OPCML: variants seen among roughly 807,000 people sequenced by gnomAD.
OPCML encodes opioid-binding protein/cell adhesion molecule.
OPCML carries 13 observed loss-of-function variants against 37.8 expected under a neutral mutation model. That is an observed-to-expected ratio of 0.34 (90% CI 0.22 to 0.55). The LOEUF (loss-of-function observed/expected upper bound fraction) is 0.55, where lower values mean the gene tolerates loss of function less well. Among genes scored for constraint, OPCML ranks in the 20% least tolerant of loss-of-function variants. The pLI, the probability that OPCML is intolerant of heterozygous loss-of-function variation, is 0.91. For missense variants in OPCML, 341 were observed against 435.6 expected (o/e 0.78, Z 1.93); for synonymous variants, 176 against 168.8 (o/e 1.04, Z -0.33).
chr11:132,694,465 G>T lies in OPCML; in HGVS notation c.147-37146C>A, dbSNP rs899870653. 2.6e-5 allele frequency among the ~76,000 whole-genome samples: 4 copies of T among 151,998 alleles called. 1 individual carries two copies. The South Asian group carries it at 8.3e-4, about 31-fold the overall frequency. ...GCCCATCTCGGCCTCCCAAAGTGCTGGGATTATAGGCGTGAGCCACCGTGC... is the reference window on the plus strand; with the variant it reads ...GCCCATCTCGGCCTCCCAAAGTGCTTGGATTATAGGCGTGAGCCACCGTGC... On this transcript the variant is annotated intron_variant, in intron 2 of 7. Coordinates refer to ENST00000524381, the MANE Select transcript of OPCML (RefSeq NM_001012393.5).
chr11:132,683,533 T>C (rs1943040957), intron 2 of OPCML, among the ~76,000 whole-genome samples: 1 of 152,224 alleles, frequency 6.6e-6, no homozygotes, highest in Non-Finnish European at 1.5e-5. Context: ...TTTTCGTAAC[T>C]TAAATAACTT....
At chr11:133,216,905 T>C (rs1374940684) in intron 1 of OPCML, among the ~76,000 whole-genome samples, 1 of 152,186 alleles carries the variant, frequency 6.6e-6, no homozygotes, top group African/African-American at 2.4e-5. Flanking sequence ...TACAAATATA[T>C]GTAATGTATT....
chr11:133,332,612 G>A (rs1339550567), intron 1 of OPCML, among the ~76,000 whole-genome samples: 2 of 151,970 alleles, frequency 1.3e-5, no homozygotes, highest in African/African-American at 4.8e-5. Flanking sequence ...TTTGAGGTCT[G>A]TTTCTTTAAT....
intron 1 of OPCML, among the ~76,000 whole-genome samples, chr11:133,518,379 G>A (rs1948328986): frequency 6.6e-6 from 1 of 151,032 alleles, no homozygotes; most frequent in Non-Finnish European, 1.5e-5. Flanking sequence ...CAGGCATGGT[G>A]TGTGTAAATA....
intron 1 of OPCML, among the ~76,000 whole-genome samples, chr11:133,213,821 T>A (rs567282459): frequency 6.6e-6 from 1 of 152,310 alleles, no homozygotes; most frequent in East Asian, 1.9e-4. Context: ...ATAAAATAAG[T>A]AAATAGGATA....
intron 1 of OPCML, among the ~76,000 whole-genome samples, chr11:133,358,938 G>C (rs1592231066): frequency 1.3e-5 from 2 of 152,114 alleles, no homozygotes; most frequent in East Asian, 3.9e-4. Flanking sequence ...GGGCTGCAGG[G>C]TATGAGTATG....
intron 4 of OPCML, among the ~76,000 whole-genome samples, chr11:132,521,361 T>C (rs556090712): frequency 5.4e-4 from 82 of 152,360 alleles, no homozygotes; most frequent in African/African-American, 1.9e-3. Context: ...TATTTTGCTG[T>C]GCAGAAGCTC....
intron 2 of OPCML, among the ~76,000 whole-genome samples, chr11:132,886,863 T>C (rs922523671): frequency 2.6e-5 from 4 of 152,186 alleles, no homozygotes; most frequent in Non-Finnish European, 4.4e-5. Flanking sequence ...CCTGACTTCT[T>C]GCATATACAT....
chr11:132,913,588 A>G (rs1224241191), intron 2 of OPCML, among the ~76,000 whole-genome samples: 1 of 152,108 alleles, frequency 6.6e-6, no homozygotes, highest in Non-Finnish European at 1.5e-5. Context: ...ACCCCTCCTC[A>G]TTTCACAAGG....
intron 2 of OPCML, among the ~76,000 whole-genome samples, chr11:132,801,227 G>A (rs1938629565): frequency 6.6e-6 from 1 of 152,160 alleles, no homozygotes; most frequent in African/African-American, 2.4e-5. Context: ...TGTAAGGTAA[G>A]TAGTAATATA....
chr11:132,704,375 G>A (rs1270275027), intron 2 of OPCML, among the ~76,000 whole-genome samples: 1 of 152,066 alleles, frequency 6.6e-6, no homozygotes, highest in African/African-American at 2.4e-5. Flanking sequence ...GGATGATATT[G>A]GATAAAAGAA....
chr11:132,923,069 G>A (rs538036980), intron 2 of OPCML, among the ~76,000 whole-genome samples: 37 of 121,956 alleles, frequency 3.0e-4, no homozygotes, highest in East Asian at 2.0e-3. Flanking sequence ...GTGAGACTCC[G>A]TCTCAGAAAA....
chr11:132,645,993 T>G (rs1941129696), intron 3 of OPCML, among the ~76,000 whole-genome samples: 1 of 152,190 alleles, frequency 6.6e-6, no homozygotes, highest in Non-Finnish European at 1.5e-5. Context: ...GAATGCAGGA[T>G]GCTGGGCAGC....
chr11:133,141,048 C>CGAAGAA (rs1161324241), intron 1 of OPCML, among the ~76,000 whole-genome samples: 229 of 5,790 alleles, frequency 0.04, 104 homozygotes, highest in Non-Finnish European at 0.088. Flanking sequence ...ACGACGACGA[C>CGAAGAA]GAAGAAGAAG....
chr11:132,617,656 G>A (rs1269973340), intron 3 of OPCML, among the ~76,000 whole-genome samples: 1 of 152,190 alleles, frequency 6.6e-6, no homozygotes, highest in African/African-American at 2.4e-5. Flanking sequence ...TGTAGCCCTG[G>A]GGGCTGGGAT....
chr11:133,322,540 A>T (rs1213848904), intron 1 of OPCML, among the ~76,000 whole-genome samples: 1 of 152,188 alleles, frequency 6.6e-6, no homozygotes, highest in East Asian at 1.9e-4. Flanking sequence ...AGTTAAACCC[A>T]TGCCAGTTGA....
At chr11:133,500,269 G>A (rs1307984544) in intron 1 of OPCML, among the ~76,000 whole-genome samples, 1 of 152,172 alleles carries the variant, frequency 6.6e-6, no homozygotes, top group African/African-American at 2.4e-5. Flanking sequence ...CACAGCATCT[G>A]TGAGCAGGAA....
chr11:132,894,258 C>T (rs1328496171), intron 2 of OPCML, among the ~76,000 whole-genome samples: 3 of 152,154 alleles, frequency 2.0e-5, no homozygotes, highest in Non-Finnish European at 4.4e-5. Context: ...TGGACTATTT[C>T]CTCCTTCTTG....
intron 1 of OPCML, among the ~76,000 whole-genome samples, chr11:133,136,490 A>G (rs1949692661): frequency 6.6e-6 from 1 of 152,164 alleles, no homozygotes. Context: ...GCACACCAGG[A>G]GCAGAAAGTG....
Sources: allele counts gnomAD v4.1 joint callset (sites outside exome capture counted in the v4.1 genomes callset), GRCh38; gene constraint gnomAD v4.1.1; transcripts MANE v1.5; gene names NCBI Gene and HGNC (gene_info 2026-07-23, HGNC 2026-07-21).